The following TRERF1 variants were observed in gnomAD, a reference collection of about 807,000 sequenced individuals.
The protein encoded by TRERF1 is transcriptional-regulating factor 1.
A neutral mutation model predicts 122.9 loss-of-function variants in TRERF1; 27 were observed. That is an observed-to-expected ratio of 0.22 (90% CI 0.16 to 0.30). TRERF1 has a LOEUF of 0.30. Ranked by LOEUF, TRERF1 falls within the 10% of genes least tolerant of loss-of-function variation. The probability of loss-of-function intolerance (pLI) is 1.00; values close to 1 mark genes in which losing one functional copy is unlikely to be tolerated. For missense variants in TRERF1, 1,248 were observed against 1,560.3 expected, an observed-to-expected ratio of 0.80 and a Z score of 3.37; for synonymous variants, 636 against 641.7, an observed-to-expected ratio of 0.99 and a Z score of 0.13.
intron 17 of TRERF1, among the ~76,000 whole-genome samples, chr6:42,230,295 T>C (rs1434639535): frequency 1.3e-5 from 2 of 152,142 alleles, no homozygotes; most frequent in Non-Finnish European, 2.9e-5. Flanking sequence ...AGAAACCATT[T>C]GTATTTTCCA....
chr6:42,264,972 G>T, intron 6 of TRERF1, 118 bp from the exon 7 acceptor site: 1 of 1,130,800 alleles, frequency 8.8e-7, no homozygotes, highest in Non-Finnish European at 1.3e-6. Flanking sequence ...TGATCCCATT[G>T]TCCATGGCAC....
chr6:42,357,906 G>A (rs1002254310), intron 3 of TRERF1, among the ~76,000 whole-genome samples: 3 of 152,188 alleles, frequency 2.0e-5, no homozygotes, highest in Non-Finnish European at 2.9e-5. Flanking sequence ...TCCAAAAGGC[G>A]TCTTAAAAAG....
At chr6:42,246,789 T>A (rs554754643) in intron 13 of TRERF1, among the ~76,000 whole-genome samples, 116 of 152,222 alleles carry the variant, frequency 7.6e-4, no homozygotes, top group Non-Finnish European at 1.5e-3. Context: ...TACCTACAAA[T>A]GGGAATAACT....
At chr6:42,341,134 G>A (rs1767227662) in intron 3 of TRERF1, among the ~76,000 whole-genome samples, 1 of 152,206 alleles carries the variant, frequency 6.6e-6, no homozygotes, top group Non-Finnish European at 1.5e-5. Context: ...AGGAGTGGAA[G>A]AAACAAGAGG....
At chr6:42,287,645 G>C (rs898829061) in intron 4 of TRERF1, among the ~76,000 whole-genome samples, 1 of 152,048 alleles carries the variant, frequency 6.6e-6, no homozygotes, top group Non-Finnish European at 1.5e-5. Flanking sequence ...CTTTACCCAG[G>C]ATCCTGAATC....
chr6:42,286,410 T>G (rs1226286922), intron 4 of TRERF1, among the ~76,000 whole-genome samples: 3 of 138,850 alleles, frequency 2.2e-5, no homozygotes, highest in African/African-American at 8.2e-5. Flanking sequence ...AGGGCTAATA[T>G]CCAGAATCTA....
chr6:42,323,387 CG>C (rs1763774709), intron 3 of TRERF1, among the ~76,000 whole-genome samples: 1 of 151,832 alleles, frequency 6.6e-6, no homozygotes. Flanking sequence ...TTAGTAGAGA[CG>C]GGGTTTAACC....
At chr6:42,376,931 T>C (rs1774994665) in intron 2 of TRERF1, among the ~76,000 whole-genome samples, 1 of 151,792 alleles carries the variant, frequency 6.6e-6, no homozygotes, top group Admixed American at 6.6e-5. Context: ...AGTGGCGCGA[T>C]CTGAGCTTAC....
At chr6:42,434,242 A>T (rs1169617119) in intron 2 of TRERF1, among the ~76,000 whole-genome samples, 1 of 152,186 alleles carries the variant, frequency 6.6e-6, no homozygotes, top group Non-Finnish European at 1.5e-5. Context: ...AAACAGCAAA[A>T]GCAAAATTGG....
intron 3 of TRERF1, among the ~76,000 whole-genome samples, chr6:42,348,862 T>C (rs908318122): frequency 1.3e-5 from 2 of 152,124 alleles, no homozygotes; most frequent in Non-Finnish European, 2.9e-5. Context: ...GAAAGATTAG[T>C]TAGAAGGAAG....
At chr6:42,374,150 A>AAGAAGAAG (rs1554193491) in intron 2 of TRERF1, among the ~76,000 whole-genome samples, 84 of 144,030 alleles carry the variant, frequency 5.8e-4, no homozygotes, top group African/African-American at 2.1e-3. Context: ...AAAAAAAAAA[A>AAGAAGAAG]AAGAAGAAGA....
At chr6:42,279,984 T>C (rs764920165) in intron 4 of TRERF1, among the ~76,000 whole-genome samples, 1 of 151,818 alleles carries the variant, frequency 6.6e-6, no homozygotes, top group African/African-American at 2.4e-5. Context: ...TGCAATAGTG[T>C]TCTTGTGTTT....
chr6:42,338,848 GC>G (rs1472029189), intron 3 of TRERF1, among the ~76,000 whole-genome samples: 1 of 152,210 alleles, frequency 6.6e-6, no homozygotes, highest in Admixed American at 6.5e-5. Flanking sequence ...AGGAACGTGA[GC>G]TTTTTGTGGT....
At chr6:42,258,298 T>C in intron 9 of TRERF1, 97 bp from the exon 10 acceptor site, 1 of 1,085,844 alleles carries the variant, frequency 9.2e-7, no homozygotes, top group Non-Finnish European at 1.4e-6. Context: ...ATAATAGAGC[T>C]TCTCTCCTAC....
At chr6:42,426,414 T>C (rs1200645320) in intron 2 of TRERF1, among the ~76,000 whole-genome samples, 1 of 152,172 alleles carries the variant, frequency 6.6e-6, no homozygotes, top group Non-Finnish European at 1.5e-5. Flanking sequence ...GTAATATAAA[T>C]AGAAATGGGT....
intron 3 of TRERF1, among the ~76,000 whole-genome samples, chr6:42,354,990 T>A (rs556044879): frequency 6.6e-6 from 1 of 152,344 alleles, no homozygotes; most frequent in Non-Finnish European, 1.5e-5. Flanking sequence ...AAGCTCATTA[T>A]CTAGAAATAG....
chr6:42,233,499 A>T (rs1035258108), intron 16 of TRERF1, among the ~76,000 whole-genome samples: 1 of 151,962 alleles, frequency 6.6e-6, no homozygotes, highest in African/African-American at 2.4e-5. Flanking sequence ...GTTAGCCAGG[A>T]TGGTCTCGAT....
At position 42,269,487 on chromosome 6, in the gene TRERF1, T is replaced by G; in HGVS notation, c.104A>C (p.Asn35Thr). The change falls in exon 5 of 18, where the codon AAC becomes ACC. Residue 35 changes from asparagine to threonine, a missense_variant. Asn to Thr is a moderately conservative substitution (Grantham distance 65). This residue lies in a region of TRERF1 where 946 missense variants were observed against 1,073.0 expected (regional missense o/e 0.88). Transcript: ENST00000372922. This position sits in a 1 kb window ranked among gnomAD's most constrained non-coding sequence, Gnocchi z 4.9. ...GCCCCCTGTAACTGCATTCCCATAG[T>G]TGTGGTTCAGCCCGCTGTGGACGCC... The G allele has an allele frequency of 6.2e-7, 1 of 1,614,212 alleles. No individual in the cohort carries two copies. Among genetic ancestry groups the G allele is most frequent in the Non-Finnish European group, 8.5e-7 (1 of 1,180,032 alleles).
chr6:42,295,018 C>A (rs1784860195), intron 4 of TRERF1, among the ~76,000 whole-genome samples: 1 of 149,254 alleles, frequency 6.7e-6, no homozygotes, highest in East Asian at 2.0e-4. Context: ...CTGGTGGGAA[C>A]AAGGGGTGGG....
Sources: allele counts gnomAD v4.1 joint callset (sites outside exome capture counted in the v4.1 genomes callset), GRCh38; gene constraint gnomAD v4.1.1; regional missense constraint gnomAD v4.1.1; non-coding constraint Gnocchi (gnomAD v3.1); transcripts MANE v1.5; gene names NCBI Gene and HGNC (gene_info 2026-07-23, HGNC 2026-07-21).